PPP3CC: variants seen among roughly 807,000 people sequenced by gnomAD.
The protein encoded by PPP3CC is protein phosphatase 3 catalytic subunit gamma, also known as serine/threonine-protein phosphatase 2B catalytic subunit gamma isoform.
PPP3CC carries 35 observed loss-of-function variants against 60.3 expected under a neutral mutation model. The ratio of observed to expected loss-of-function variants is 0.58; its 90% confidence interval spans 0.44 to 0.77. The LOEUF (loss-of-function observed/expected upper bound fraction) is 0.77. Among genes scored for constraint, PPP3CC ranks in the 30% least tolerant of loss-of-function variants. The pLI is 0.00. For missense variants in PPP3CC, 570 were observed against 628.9 expected, an observed-to-expected ratio of 0.91 and a Z score of 1.00; for synonymous variants, 206 against 224.3, an observed-to-expected ratio of 0.92 and a Z score of 0.73.
chr8:22,464,041 G>T (rs1299152782), intron 1 of PPP3CC, among the ~76,000 whole-genome samples: 3 of 152,054 alleles, frequency 2.0e-5, no homozygotes, highest in Non-Finnish European at 2.9e-5. Flanking sequence ...GCCTACCTCG[G>T]CCTCCTAATA....
At position 22,441,111 on chromosome 8, in the gene PPP3CC, G is replaced by A. The variant is rs1836650378; in HGVS notation, c.-299G>A. Reference sequence around the variant, plus strand: ...GAGGGCCCGGGCCGCGAGCAGCCGCGGCCGTCCCGGTCGCCACCCTTAGCA... The same window carrying A: ...GAGGGCCCGGGCCGCGAGCAGCCGCAGCCGTCCCGGTCGCCACCCTTAGCA... On this transcript the variant is annotated 5_prime_UTR_variant, in exon 1 of 14. Transcript: ENST00000240139. 3.5e-6 allele frequency: 1 copy of A among 284,110 alleles called. No individual in the cohort carries two copies. The highest frequency in any genetic ancestry group is 6.5e-6 in the Non-Finnish European group (1 of 153,036). 17.6% of individuals were successfully genotyped at this position (284,110 alleles called of 1,614,324 possible).
intron 3 of PPP3CC, among the ~76,000 whole-genome samples, chr8:22,481,962 C>G (rs1838083146): frequency 1.3e-5 from 2 of 152,134 alleles, no homozygotes; most frequent in Non-Finnish European, 2.9e-5. Context: ...GGTTCCAAGT[C>G]TTTACTATTG....
intron 1 of PPP3CC, among the ~76,000 whole-genome samples, chr8:22,445,362 C>G (rs1336909691): frequency 6.6e-6 from 1 of 151,920 alleles, no homozygotes; most frequent in African/African-American, 2.4e-5. Context: ...ATGGATTTAC[C>G]GAGGGTTTAA....
intron 1 of PPP3CC, among the ~76,000 whole-genome samples, chr8:22,463,185 C>T (rs1363485338): frequency 1.3e-5 from 2 of 152,186 alleles, no homozygotes; most frequent in African/African-American, 4.8e-5. Context: ...AGTCTGTAGT[C>T]ATCAGTGGCT....
intron 3 of PPP3CC, among the ~76,000 whole-genome samples, chr8:22,480,740 A>G (rs1453147735): frequency 2.6e-5 from 4 of 152,158 alleles, no homozygotes; most frequent in South Asian, 2.1e-4. Flanking sequence ...CAGCCTCCCA[A>G]AGTGCCAGGA....
chr8:22,483,422 G>A (rs1311868283), intron 3 of PPP3CC, among the ~76,000 whole-genome samples: 1 of 152,154 alleles, frequency 6.6e-6, no homozygotes, highest in Non-Finnish European at 1.5e-5. Flanking sequence ...GAGTAGCTGG[G>A]ACTACAGGCA....
chr8:22,487,357 C>T (rs1347186122), intron 3 of PPP3CC, among the ~76,000 whole-genome samples: 5 of 152,200 alleles, frequency 3.3e-5, no homozygotes, highest in Non-Finnish European at 7.3e-5. Flanking sequence ...GGCGCCCTGG[C>T]TCACACCGGT....
Position 22,447,243 on chromosome 8 carries a change from A to G in PPP3CC, c.49+5785A>G, listed in dbSNP as rs201399031. 3.3e-3 allele frequency among the ~76,000 whole-genome samples: 474 copies of G among 145,292 alleles called. 11 individuals carry two copies. The East Asian group carries it at 0.07, about 21-fold the overall frequency. The stretch of plus-strand genomic sequence containing the variant: ...CGTCCAGGCTGGAGTGCAGTGGCGC[A>G]ATCTCGGCTCACTGCAAGCTCTGCC... On this transcript the variant is annotated intron_variant, in intron 1 of 13. Transcript: ENST00000240139.
chr8:22,441,370 T>A lies in PPP3CC; in HGVS notation c.-40T>A, dbSNP rs574371990. ...GCGGCGGCCGCGGCGTAGGCGCACGTCCGGCGGGCTCCTGGAGCCTGGAGG... is the reference window on the plus strand; with the variant it reads ...GCGGCGGCCGCGGCGTAGGCGCACGACCGGCGGGCTCCTGGAGCCTGGAGG... On this transcript the variant is annotated 5_prime_UTR_variant, in exon 1 of 14. Coordinates refer to ENST00000240139, the MANE Select transcript of PPP3CC (RefSeq NM_005605.5). 6.6e-6 allele frequency: 10 copies of A among 1,515,454 alleles called. No individual in the cohort carries two copies. The African/African-American group carries it at 1.3e-4, about 20-fold the overall frequency. The allele number at this position is 1,515,454 out of a possible 1,614,324, so 93.9% of individuals were successfully genotyped here.
chr8:22,474,619 G>A (rs556727552), intron 1 of PPP3CC, among the ~76,000 whole-genome samples: 3 of 152,184 alleles, frequency 2.0e-5, no homozygotes, highest in East Asian at 1.9e-4. Context: ...CAGAAGAATC[G>A]CTTGAACTCA....
Position 22,513,360 on chromosome 8 carries a change from AG to A in PPP3CC, c.700del (p.Asp234IlefsTer75), listed in dbSNP as rs1447452239. The A allele has an allele frequency of 8.1e-6, 13 of 1,613,984 alleles. No homozygotes were observed. The highest frequency in any genetic ancestry group is 9.3e-6 in the Non-Finnish European group (11 of 1,179,958). On this transcript the variant is annotated frameshift_variant, in exon 6 of 14. Transcript: ENST00000240139. LOFTEE classifies it high-confidence loss of function. ...VCDLLWSDPS[E>X]DYGNEKTLEH... ...GACCTGCTTTGGTCTGATCCCTCAG[AG>A]GATTATGGCAATGAGAAGACCTTGG...
At chr8:22,456,580 A>C (rs1837202078) in intron 1 of PPP3CC, among the ~76,000 whole-genome samples, 1 of 152,210 alleles carries the variant, frequency 6.6e-6, no homozygotes, top group Non-Finnish European at 1.5e-5. Context: ...ACATTGGTAC[A>C]GTCCATAGAG....
At chr8:22,500,270 C>CT (rs1315561790) in intron 4 of PPP3CC, among the ~76,000 whole-genome samples, 1 of 152,056 alleles carries the variant, frequency 6.6e-6, no homozygotes, top group Non-Finnish European at 1.5e-5. Flanking sequence ...AGCATATTCT[C>CT]TATAAAATAA....
chr8:22,521,806 G>T (rs1839411366), intron 6 of PPP3CC, among the ~76,000 whole-genome samples: 1 of 151,938 alleles, frequency 6.6e-6, no homozygotes, highest in South Asian at 2.1e-4. Flanking sequence ...AGTATGAAAA[G>T]AATATTTTAG....
intron 1 of PPP3CC, among the ~76,000 whole-genome samples, chr8:22,451,908 CAATCTGAAAT>C: frequency 6.6e-6 from 1 of 152,168 alleles, no homozygotes; most frequent in South Asian, 2.1e-4. Flanking sequence ...AAATCTGAAA[CAATCTGAAAT>C]TGAAATGCTT....
chr8:22,498,624 C>A (rs1838662317), intron 4 of PPP3CC, among the ~76,000 whole-genome samples: 1 of 152,094 alleles, frequency 6.6e-6, no homozygotes, highest in Non-Finnish European at 1.5e-5. Flanking sequence ...TAATACATTT[C>A]TGTTTCACCT....
intron 1 of PPP3CC, among the ~76,000 whole-genome samples, chr8:22,447,346 AT>A (rs956715235): frequency 4.0e-5 from 6 of 150,046 alleles, no homozygotes; most frequent in Non-Finnish European, 5.9e-5. Flanking sequence ...TGCCCGGCTA[AT>A]TTTTTTTTGT....
chr8:22,536,896 A>G (rs562889628), intron 12 of PPP3CC, among the ~76,000 whole-genome samples: 23 of 152,348 alleles, frequency 1.5e-4, no homozygotes, highest in African/African-American at 5.5e-4. Flanking sequence ...GAGTTACAGT[A>G]TACATGAAAC....
chr8:22,527,130 G>A (rs1225544540), intron 8 of PPP3CC, among the ~76,000 whole-genome samples: 1 of 152,184 alleles, frequency 6.6e-6, no homozygotes, highest in Non-Finnish European at 1.5e-5. Context: ...TAGTTACTGT[G>A]CAGTGACTCC....
Sources: allele counts gnomAD v4.1 joint callset (sites outside exome capture counted in the v4.1 genomes callset), GRCh38; gene constraint gnomAD v4.1.1; transcripts MANE v1.5; gene names NCBI Gene and HGNC (gene_info 2026-07-23, HGNC 2026-07-21).